CEP63: variants seen among roughly 807,000 people sequenced by gnomAD.
The protein encoded by CEP63 is centrosomal protein of 63 kDa.
Under a neutral mutation model 89.1 loss-of-function variants are expected in CEP63, and 84 were observed. That is an observed-to-expected ratio of 0.94 (90% CI 0.79 to 1.13). The LOEUF is 1.13. Among genes scored for constraint, CEP63 ranks in the 50% most tolerant of loss-of-function variants. The pLI is 0.00. For synonymous variants in CEP63, 267 were observed against 272.5 expected (o/e 0.98, Z 0.20); for missense variants, 838 against 813.3 (o/e 1.03, Z -0.37).
chr3:134,661,727 G>A, the CEP63 span, among the ~76,000 whole-genome samples: 1 of 152,094 alleles, frequency 6.6e-6, no homozygotes, highest in Non-Finnish European at 1.5e-5. Context: ...AGGCTGGAAG[G>A]CTGGAAGGCA....
rs145774367 is a variant in CEP63 at position 134,563,992 on chromosome 3, C to G, written c.*2457C>G. ...ACTCTGGCATCCTCTCCTGAGCAAG[C>G]CTTCTTTGATTGCTGCCTCCCAAAC... On this transcript the variant is annotated 3_prime_UTR_variant, in exon 15 of 15. Coordinates refer to ENST00000675561, the MANE Select transcript of CEP63 (RefSeq NM_001353108.3). The G allele has an allele frequency of 6.6e-6, 1 of 152,526 alleles. No individual in the cohort carries two copies. 9.4% of individuals were successfully genotyped at this position (152,526 alleles called of 1,614,324 possible).
At chr3:134,597,236 GAGA>G in the CEP63 span, among the ~76,000 whole-genome samples, 2 of 152,222 alleles carry the variant, frequency 1.3e-5, no homozygotes, top group African/African-American at 2.4e-5. Context: ...GCAAGAGGGA[GAGA>G]AGGAGAAATA....
At chr3:134,677,797 G>A in the CEP63 span, among the ~76,000 whole-genome samples, 5 of 151,968 alleles carry the variant, frequency 3.3e-5, no homozygotes, top group East Asian at 1.9e-4. Flanking sequence ...CCCCATGGAC[G>A]CAGTCACTCA....
At chr3:134,608,443 G>A in the CEP63 span, 13 of 1,516,838 alleles carry the variant, frequency 8.6e-6, no homozygotes, top group Admixed American at 2.2e-4. Flanking sequence ...TGCTGATGTG[G>A]CCTATGGCCC....
At chr3:134,767,968 A>T in the CEP63 span, among the ~76,000 whole-genome samples, 1 of 152,230 alleles carries the variant, frequency 6.6e-6, no homozygotes, top group African/African-American at 2.4e-5. Flanking sequence ...AACTAGGGGA[A>T]AGTATTCTAG....
chr3:134,675,367 T>C, the CEP63 span, among the ~76,000 whole-genome samples: 1 of 152,176 alleles, frequency 6.6e-6, no homozygotes, highest in Non-Finnish European at 1.5e-5. Context: ...TCTCATACCA[T>C]AACAAACATT....
At chr3:134,580,109 C>T (rs1347410795) in intron 10 of CEP63, among the ~76,000 whole-genome samples, 2 of 151,112 alleles carry the variant, frequency 1.3e-5, no homozygotes, top group African/African-American at 2.4e-5. Flanking sequence ...GCGGGAGAAT[C>T]GCTTTAACCT....
the CEP63 span, among the ~76,000 whole-genome samples, chr3:134,653,039 CT>C: frequency 6.6e-6 from 1 of 152,188 alleles, no homozygotes; most frequent in Non-Finnish European, 1.5e-5. Flanking sequence ...AGAACTGCCT[CT>C]GGAGAAGGAT....
At chr3:134,551,085 G>A (rs561803459) in intron 11 of CEP63, among the ~76,000 whole-genome samples, 23 of 152,272 alleles carry the variant, frequency 1.5e-4, no homozygotes, top group African/African-American at 4.8e-4. Flanking sequence ...GAAGGATGAT[G>A]AATTTGTGTG....
At chr3:134,777,608 ATTTTTT>A in the CEP63 span, among the ~76,000 whole-genome samples, 67,742 of 100,310 alleles carry the variant, frequency 0.68, 22,958 homozygotes, top group East Asian at 0.82. Flanking sequence ...AAAGAATAGA[ATTTTTT>A]TTTTTTTTTT....
the CEP63 span, among the ~76,000 whole-genome samples, chr3:134,596,303 T>G: frequency 6.6e-6 from 1 of 152,148 alleles, no homozygotes; most frequent in African/African-American, 2.4e-5. Flanking sequence ...CCTTCTCTAG[T>G]CAAGACCAAG....
the CEP63 span, among the ~76,000 whole-genome samples, chr3:134,762,734 C>T: frequency 2.5e-4 from 38 of 152,278 alleles, no homozygotes; most frequent in African/African-American, 9.1e-4. Flanking sequence ...GTCTAGCCTC[C>T]AGAACTGCCA....
At chr3:134,712,746 G>A in the CEP63 span, among the ~76,000 whole-genome samples, 1 of 152,182 alleles carries the variant, frequency 6.6e-6, no homozygotes, top group Non-Finnish European at 1.5e-5. Flanking sequence ...AGACTTTGCT[G>A]CAGGGACGTC....
chr3:134,640,859 G>A, the CEP63 span, among the ~76,000 whole-genome samples: 2 of 152,160 alleles, frequency 1.3e-5, no homozygotes. Flanking sequence ...CCTCTTAAGG[G>A]TTGTCTTGCT....
the CEP63 span, chr3:134,608,936 G>T: frequency 7.2e-7 from 1 of 1,385,032 alleles, no homozygotes; most frequent in Non-Finnish European, 9.7e-7. Context: ...CCCTGGATGG[G>T]AAGAGGCACC....
At chr3:134,643,396 A>G in the CEP63 span, 1 of 1,610,358 alleles carries the variant, frequency 6.2e-7, no homozygotes, top group Non-Finnish European at 8.5e-7. Context: ...AGGAAGACAG[A>G]GAGGCCTGCA....
chr3:134,709,964 C>G, the CEP63 span, among the ~76,000 whole-genome samples: 2 of 152,196 alleles, frequency 1.3e-5, no homozygotes, highest in Non-Finnish European at 2.9e-5. Flanking sequence ...ACTCTAAATT[C>G]AGTTTTGTCT....
chr3:134,749,774 G>C, the CEP63 span, among the ~76,000 whole-genome samples: 1 of 116,048 alleles, frequency 8.6e-6, no homozygotes, highest in East Asian at 3.2e-4. Context: ...ATGATAAAAT[G>C]AAATGAGAGA....
the CEP63 span, among the ~76,000 whole-genome samples, chr3:134,604,680 G>A: frequency 0.63 from 95,751 of 152,102 alleles, 30,659 homozygotes; most frequent in East Asian, 0.87. Flanking sequence ...GCAGCACACC[G>A]CTGGAAGGGT....
Sources: gnomAD v4.1 joint callset for allele counts (sites outside exome capture counted in the v4.1 genomes callset) on GRCh38, gnomAD v4.1.1 for gene constraint, MANE v1.5 for transcripts, NCBI Gene and HGNC (gene_info 2026-07-23, HGNC 2026-07-21) for gene names.